Variants in KAZN observed in about 807,000 individuals in gnomAD.
The protein encoded by KAZN is kazrin, periplakin interacting protein.
Under a neutral mutation model 87.4 loss-of-function variants are expected in KAZN, and 40 were observed. That is an observed-to-expected ratio of 0.46 (90% confidence interval 0.36 to 0.60). The LOEUF is 0.60. Ranked by LOEUF, KAZN falls within the 20% of genes least tolerant of loss-of-function variation. The pLI is 0.00. For synonymous variants in KAZN, 466 were observed against 458.3 expected (o/e 1.02, Z -0.22); for missense variants, 898 against 1,073.9 (o/e 0.84, Z 2.29).
chr1:14,707,137 T>C (rs1373778893), intron 1 of KAZN, among the ~76,000 whole-genome samples: 2 of 152,182 alleles, frequency 1.3e-5, no homozygotes, highest in Non-Finnish European at 2.9e-5. Flanking sequence ...TTAGGATCAA[T>C]GTGTAAAATG....
In KAZN at chr1:14,014,057, G is replaced by A. The variant is rs981670162; in HGVS notation, c.91+120301G>A. Among the ~76,000 whole-genome samples, 7 of 152,108 alleles carry A rather than the reference G, an allele frequency of 4.6e-5. No individual in the cohort carries two copies. In the South Asian group the frequency reaches 6.2e-4, roughly 14 times the overall value. On this transcript the variant is annotated intron_variant, in intron 1 of 16. Coordinates refer to the KAZN transcript ENST00000636203. ...GCTTTAGGCTGCTCCATTGAAAAGC[G>A]TTTCATACCGGCTTTTTGTAATTTT...
At chr1:14,801,193 C>T (rs982737489) in intron 1 of KAZN, among the ~76,000 whole-genome samples, 1 of 152,030 alleles carries the variant, frequency 6.6e-6, no homozygotes. Flanking sequence ...TCGAGCCAGT[C>T]GGAGCCGTCT....
intron 8 of KAZN, among the ~76,000 whole-genome samples, chr1:15,093,019 A>T (rs1640625000): frequency 6.6e-6 from 1 of 151,868 alleles, no homozygotes; most frequent in Non-Finnish European, 1.5e-5. Context: ...AAAATAAATC[A>T]CCCAGTTGCC....
At chr1:14,237,821 A>G (rs1016921996) in intron 2 of KAZN, among the ~76,000 whole-genome samples, 5 of 152,120 alleles carry the variant, frequency 3.3e-5, no homozygotes, top group African/African-American at 1.2e-4. Context: ...AACAGAAACG[A>G]CAAGGTCCAA....
chr1:14,665,350 C>A lies in KAZN; in HGVS notation c.226+66127C>A, dbSNP rs530234070. 1.0e-3 allele frequency among the ~76,000 whole-genome samples: 158 copies of A among 152,064 alleles called. 1 individual carries two copies. Among genetic ancestry groups the A allele is most frequent in the African/African-American group, 3.6e-3 (151 of 41,474 alleles). On this transcript the variant is annotated intron_variant, in intron 1 of 14. Transcript: ENST00000376030. ...TGTGTCATCACTGTTTGCTGTGCAA[C>A]CTTTTCATCCCATGGACTAGTTTGG... is the stretch of plus-strand genomic sequence containing the variant.
chr1:14,999,866 G>A (rs575915933), intron 2 of KAZN, among the ~76,000 whole-genome samples: 9 of 152,268 alleles, frequency 5.9e-5, no homozygotes, highest in Admixed American at 3.9e-4. Flanking sequence ...TGCCCTGTCC[G>A]GCTTGACTTC....
chr1:14,446,731 C>T (rs1421049538), intron 2 of KAZN, among the ~76,000 whole-genome samples: 1 of 152,156 alleles, frequency 6.6e-6, no homozygotes, highest in East Asian at 1.9e-4. Flanking sequence ...GCAAACCTCT[C>T]CACAGTGGCA....
chr1:14,855,079 G>T (rs116410803), intron 1 of KAZN, among the ~76,000 whole-genome samples: 1,804 of 152,134 alleles, frequency 0.012, 19 homozygotes, highest in Middle Eastern at 0.082. Context: ...GTGGAAGGAG[G>T]GACTGTTGTT....
chr1:13,913,086 C>T (rs1639712437), intron 1 of KAZN, among the ~76,000 whole-genome samples: 1 of 152,168 alleles, frequency 6.6e-6, no homozygotes, highest in South Asian at 2.1e-4. Context: ...TCACTGGACC[C>T]TCTCCTAATG....
chr1:14,853,544 C>T (rs1417339802), intron 1 of KAZN, among the ~76,000 whole-genome samples: 1 of 152,024 alleles, frequency 6.6e-6, no homozygotes, highest in Non-Finnish European at 1.5e-5. Flanking sequence ...GGATTTGAAC[C>T]CCTTAGTCTG....
intron 8 of KAZN, among the ~76,000 whole-genome samples, chr1:15,068,784 T>G (rs1639379827): frequency 6.6e-6 from 1 of 151,850 alleles, no homozygotes; most frequent in African/African-American, 2.4e-5. Context: ...ACCCTCAATC[T>G]CTATATCTCC....
At chr1:15,103,894 G>A (rs572453338) in intron 12 of KAZN, 129 bp from the exon 13 acceptor site, 27 of 944,172 alleles carry the variant, frequency 2.9e-5, no homozygotes, top group South Asian at 1.6e-4. Context: ...CCTCTTCACC[G>A]TCAAATTAAC....
At chr1:14,972,605 C>T (rs538453148) in intron 2 of KAZN, among the ~76,000 whole-genome samples, 1 of 151,914 alleles carries the variant, frequency 6.6e-6, no homozygotes, top group African/African-American at 2.4e-5. Flanking sequence ...AACCCTGCCT[C>T]CCGAGTTCCG....
At chr1:14,189,860 G>A (rs1276460633) in intron 2 of KAZN, among the ~76,000 whole-genome samples, 1 of 152,086 alleles carries the variant, frequency 6.6e-6, no homozygotes, top group East Asian at 1.9e-4. Context: ...ATAACTCTTG[G>A]CAATTTTTTA....
chr1:14,528,013 A>G (rs1671986969), intron 2 of KAZN, among the ~76,000 whole-genome samples: 1 of 142,422 alleles, frequency 7.0e-6, no homozygotes, highest in South Asian at 2.2e-4. Flanking sequence ...CTATCTATCT[A>G]TCTATCTATC....
At chr1:14,035,644 A>AT (rs111800884) in intron 1 of KAZN, among the ~76,000 whole-genome samples, 92,940 of 144,982 alleles carry the variant, frequency 0.64, 29,651 homozygotes, top group Admixed American at 0.74. Flanking sequence ...TAATTTTTGT[A>AT]TTTTTTTTTT....
rs978574288 is a variant in KAZN at position 14,110,813 on chromosome 1, A to G, written c.92-69622A>G. On this transcript the variant is annotated intron_variant, in intron 1 of 16. Coordinates refer to the KAZN transcript ENST00000636203. ...AAGACACGTAAAATATCTCATTAAT[A>G]TCTTTTTATATTGACTACATGTTAA... is the stretch of plus-strand genomic sequence containing the variant. Among the ~76,000 whole-genome samples the G allele has an allele frequency of 1.8e-4, 24 of 134,812 alleles. 6 individuals are homozygous for G. Among genetic ancestry groups the G allele is most frequent in the Non-Finnish European group, 3.7e-4 (23 of 62,988 alleles). The allele number at this position is 134,812 out of a possible 152,430, so 88.4% of individuals were successfully genotyped here.
chr1:13,925,986 T>C (rs909552117), intron 1 of KAZN, among the ~76,000 whole-genome samples: 5 of 152,044 alleles, frequency 3.3e-5, no homozygotes, highest in African/African-American at 9.7e-5. Context: ...TTGACTGAGA[T>C]GGTAGAGACT....
intron 2 of KAZN, among the ~76,000 whole-genome samples, chr1:14,297,612 G>C (rs1000922189): frequency 4.6e-5 from 7 of 152,052 alleles, no homozygotes; most frequent in African/African-American, 1.7e-4. Flanking sequence ...CGGATGGATG[G>C]GCACTGTTCT....
Sources: allele counts gnomAD v4.1 joint callset (sites outside exome capture counted in the v4.1 genomes callset), GRCh38; gene constraint gnomAD v4.1.1; transcripts MANE v1.5; gene names NCBI Gene and HGNC (gene_info 2026-07-23, HGNC 2026-07-21).